UBXN2B: variants seen among roughly 807,000 people sequenced by gnomAD.
UBXN2B encodes the protein UBX domain protein 2B, also known as UBX domain-containing protein 2B.
Under a neutral mutation model 37.5 loss-of-function variants are expected in UBXN2B, and 19 were observed. The ratio of observed to expected loss-of-function variants is 0.51; its 90% confidence interval spans 0.35 to 0.74. The LOEUF is 0.74. UBXN2B is among the 30% of genes least tolerant of loss of function. The probability of loss-of-function intolerance (pLI) is 0.01; values close to 1 mark genes in which losing one functional copy is unlikely to be tolerated. For missense variants in UBXN2B, 370 were observed against 393.2 expected (o/e 0.94, Z 0.50); for synonymous variants, 145 against 143.8 (o/e 1.01, Z -0.06).
rs3080297 is a variant in UBXN2B, at chr8:58,434,369, ATT to A, written c.424-15_424-14del. 4,458 of 306,120 alleles carry A rather than the reference ATT, an allele frequency of 0.015. 172 individuals carry two copies. The East Asian group carries it at 0.23, about 16-fold the overall frequency. The allele number at this position is 306,120 out of a possible 1,614,324, so 19.0% of individuals were successfully genotyped here. Reference sequence around the variant, plus strand: ...TGTGAATATATATATATATATATATATTTTTTTTTTTTCTATACCCAAAAGGT... The same window carrying A: ...TGTGAATATATATATATATATATATATTTTTTTTTTCTATACCCAAAAGGT... On this transcript the variant is annotated intron_variant, in intron 4 of 7. Coordinates refer to ENST00000399598, the MANE Select transcript of UBXN2B (RefSeq NM_001077619.2).
At chr8:58,422,465 T>C (rs1386901607) in intron 2 of UBXN2B, among the ~76,000 whole-genome samples, 1 of 152,238 alleles carries the variant, frequency 6.6e-6, no homozygotes, top group Non-Finnish European at 1.5e-5. Context: ...ATTAATGATA[T>C]TTTCATTGAA....
In UBXN2B at chr8:58,430,532, G is replaced by A; in HGVS notation, c.202G>A (p.Glu68Lys). 1.9e-6 allele frequency: 3 copies of A among 1,573,144 alleles called. No individual in the cohort carries two copies. Among genetic ancestry groups the A allele is most frequent in the African/African-American group, 1.4e-5 (1 of 73,452 alleles). Residue 68 changes from glutamate to lysine, a missense_variant, in exon 3 of 8, where the codon GAA becomes AAA. Glu to Lys is a moderately conservative substitution (Grantham distance 56). Coordinates refer to ENST00000399598, the MANE Select transcript of UBXN2B (RefSeq NM_001077619.2). Reference sequence around the variant, plus strand: ...AAATGTTTAAAGGTTTTACTCAAGTGAACATGAATACAGTGGATTAAATAT... The same window carrying A: ...AAATGTTTAAAGGTTTTACTCAAGTAAACATGAATACAGTGGATTAAATAT... ...RTPPQRFYSS[E>K]HEYSGLNIVR... is the part of the protein sequence containing the mutation.
chr8:58,434,020 T>A (rs1385148132), intron 4 of UBXN2B, among the ~76,000 whole-genome samples: 1 of 152,044 alleles, frequency 6.6e-6, no homozygotes, highest in Non-Finnish European at 1.5e-5. Flanking sequence ...CAAAGAAGAG[T>A]ATGGGTGCAG....
At chr8:58,433,485 G>A (rs1490993290) in intron 4 of UBXN2B, among the ~76,000 whole-genome samples, 1 of 151,950 alleles carries the variant, frequency 6.6e-6, no homozygotes, top group Non-Finnish European at 1.5e-5. Flanking sequence ...TTTTCCAAAT[G>A]AATTTGCAGC....
Position 58,430,640 on chromosome 8 carries a change from A to G in UBXN2B, c.310A>G (p.Thr104Ala), listed in dbSNP as rs1808248176. The G allele has an allele frequency of 1.3e-6, 2 of 1,587,522 alleles. No individual in the cohort carries two copies. Among genetic ancestry groups the G allele is most frequent in the Non-Finnish European group, 1.7e-6 (2 of 1,166,004 alleles). ...EHGAVPLNEA[T>A]RASGDDKSKS... The stretch of plus-strand genomic sequence containing the variant: ...TGGGGCTGTCCCTCTGAATGAAGCC[A>G]CAAGAGCTTCAGGTGATGATAAATC... The change falls in exon 3 of 8, where the codon ACA becomes GCA. Residue 104 changes from threonine (T) to alanine (A), a missense_variant. By Grantham distance (58) the Thr-to-Ala change is moderately conservative. Transcript: ENST00000399598.
chr8:58,425,477 C>G, intron 2 of UBXN2B: 1 of 1,117,098 alleles, frequency 9.0e-7, no homozygotes, highest in Non-Finnish European at 1.4e-6. Flanking sequence ...GAAACAGGCT[C>G]GTTGGGATCA....
Position 58,423,581 on chromosome 8 carries a change from G to A in UBXN2B, c.188+6628G>A, listed in dbSNP as rs1338206355. Reference sequence around the variant, plus strand: ...CTCCCAAGTAGCTGGGACTACAGGCGCCCGCCACCACGCCCTGCTAATTTT... The same window carrying A: ...CTCCCAAGTAGCTGGGACTACAGGCACCCGCCACCACGCCCTGCTAATTTT... On this transcript the variant is annotated intron_variant, in intron 2 of 7. Transcript: ENST00000399598. Among the ~76,000 whole-genome samples, 203 of 151,850 alleles carry A rather than the reference G, an allele frequency of 1.3e-3. 2 individuals are homozygous for A. The highest frequency in any genetic ancestry group is 4.6e-3 in the African/African-American group (190 of 41,460).
intron 5 of UBXN2B, among the ~76,000 whole-genome samples, chr8:58,436,765 A>G (rs1234254287): frequency 6.6e-6 from 1 of 152,156 alleles, no homozygotes; most frequent in African/African-American, 2.4e-5. Flanking sequence ...GCTGTGTCAT[A>G]CACCAGGTCC....
At chr8:58,441,467 C>G (rs763582698) in intron 6 of UBXN2B, among the ~76,000 whole-genome samples, 1 of 151,140 alleles carries the variant, frequency 6.6e-6, no homozygotes, top group East Asian at 1.9e-4. Flanking sequence ...ATTGAGATTA[C>G]GATTTTTAAT....
intron 6 of UBXN2B, among the ~76,000 whole-genome samples, chr8:58,441,367 A>ATATATATATATATATATGTATG (rs1554553148): frequency 4.2e-5 from 6 of 142,470 alleles, no homozygotes; most frequent in African/African-American, 1.6e-4. Flanking sequence ...ATATATATAT[A>ATATATATATATATATATGTATG]TGTATGTGTA....
At chr8:58,412,524 G>C (rs757419272) in intron 1 of UBXN2B, among the ~76,000 whole-genome samples, 12 of 152,238 alleles carry the variant, frequency 7.9e-5, no homozygotes, top group Non-Finnish European at 1.2e-4. Flanking sequence ...GGAGAGATCA[G>C]TGTAACATTA....
chr8:58,412,756 G>C (rs1036673576), intron 1 of UBXN2B, among the ~76,000 whole-genome samples: 3 of 152,190 alleles, frequency 2.0e-5, no homozygotes, highest in African/African-American at 7.2e-5. Flanking sequence ...TAACCTGTCT[G>C]ATCCTGTGTC....
chr8:58,446,812 T>TTTTTTTTTG (rs1316133229), intron 7 of UBXN2B, among the ~76,000 whole-genome samples: 2 of 113,982 alleles, frequency 1.8e-5, no homozygotes, highest in South Asian at 2.9e-4. Context: ...TTTTTTTTTT[T>TTTTTTTTTG]TTTGAGACAG....
At chr8:58,436,524 A>G (rs371374579) in intron 5 of UBXN2B, among the ~76,000 whole-genome samples, 70 of 152,282 alleles carry the variant, frequency 4.6e-4, no homozygotes, top group African/African-American at 1.4e-3. Flanking sequence ...AGATCACACC[A>G]TGATGTTTAG....
chr8:58,435,649 G>A (rs1808394480), intron 5 of UBXN2B, among the ~76,000 whole-genome samples: 1 of 152,130 alleles, frequency 6.6e-6, no homozygotes, highest in Non-Finnish European at 1.5e-5. Flanking sequence ...AGAACATATT[G>A]AGAATGAATG....
chr8:58,433,717 T>C (rs1239098676), intron 4 of UBXN2B, among the ~76,000 whole-genome samples: 4 of 151,926 alleles, frequency 2.6e-5, no homozygotes, highest in African/African-American at 9.7e-5. Flanking sequence ...GGGCAGATTG[T>C]TTGAGCCCAG....
At chr8:58,437,357 A>T (rs1363252269) in intron 5 of UBXN2B, among the ~76,000 whole-genome samples, 1 of 111,872 alleles carries the variant, frequency 8.9e-6, no homozygotes, top group East Asian at 2.5e-4. Flanking sequence ...GAGACGATTC[A>T]TGCTCTGTCA....
chr8:58,413,643 G>T (rs1025109112), intron 1 of UBXN2B, among the ~76,000 whole-genome samples: 8 of 152,242 alleles, frequency 5.3e-5, no homozygotes, highest in African/African-American at 1.7e-4. Flanking sequence ...GCAGTGTAGG[G>T]TTTGTCAGCA....
chr8:58,429,438 G>A (rs1808190899), intron 2 of UBXN2B, among the ~76,000 whole-genome samples: 2 of 152,166 alleles, frequency 1.3e-5, no homozygotes, highest in Non-Finnish European at 2.9e-5. Context: ...TCCTGCTCTA[G>A]ATAAATTTGG....
Sources: gnomAD v4.1 joint callset for allele counts (sites outside exome capture counted in the v4.1 genomes callset) on GRCh38, gnomAD v4.1.1 for gene constraint, MANE v1.5 for transcripts, NCBI Gene and HGNC (gene_info 2026-07-23, HGNC 2026-07-21) for gene names.